Variants in TICRR observed in about 807,000 individuals in gnomAD.
TICRR encodes TOPBP1 interacting checkpoint and replication regulator.
In TICRR, 132 loss-of-function variants were observed where a neutral mutation model predicts 178.1. That is an observed-to-expected ratio of 0.74 (90% CI 0.64 to 0.86). The LOEUF is 0.86. TICRR is among the 40% of genes least tolerant of loss of function. The pLI is 0.00. For missense variants in TICRR, 2,587 were observed against 2,334.3 expected (o/e 1.11, Z -2.23); for synonymous variants, 991 against 900.7 (o/e 1.10, Z -1.79).
chr15:89,605,734 C>CA (rs1963165857), intron 13 of TICRR, among the ~76,000 whole-genome samples: 1 of 152,200 alleles, frequency 6.6e-6, no homozygotes, highest in Non-Finnish European at 1.5e-5. Flanking sequence ...AGAATGATCA[C>CA]ATCTCATGTC....
At chr15:89,622,103 A>G (rs568391127) in intron 19 of TICRR, among the ~76,000 whole-genome samples, 15 of 146,670 alleles carry the variant, frequency 1.0e-4, no homozygotes, top group Non-Finnish European at 1.9e-4. Flanking sequence ...CTCCTGCCTC[A>G]GCCTCCTAAG....
chr15:89,612,202 T>G (rs530988748), intron 15 of TICRR, among the ~76,000 whole-genome samples: 1 of 152,304 alleles, frequency 6.6e-6, no homozygotes, highest in East Asian at 1.9e-4. Context: ...AAAGTATGTA[T>G]ACCTTGTTGT....
In TICRR at chr15:89,582,716, T is replaced by C; in HGVS notation, c.685T>C (p.Trp229Arg). 1 of 1,614,222 alleles carries C rather than the reference T, an allele frequency of 6.2e-7. No individual in the cohort carries two copies. The highest frequency in any genetic ancestry group is 8.5e-7 in the Non-Finnish European group (1 of 1,180,032). The change falls in exon 2 of 22, where the codon TGG becomes CGG. Residue 229 changes from tryptophan to arginine, a missense_variant. Coordinates refer to ENST00000268138, the MANE Select transcript of TICRR (RefSeq NM_152259.4). ...LWESPDHLGY[W>R]TVCELLHHGG... ...GGAATCCCCAGACCACCTTGGATAC[T>C]GGACTGTTTGTGAACTGCTCCACCA...
Position 89,625,349 on chromosome 15 carries a change from A to C in TICRR, c.5039A>C (p.Asp1680Ala). The change falls in exon 20 of 22, where the codon GAC becomes GCC. Residue 1680 changes from aspartate (D) to alanine (A), a missense_variant. By Grantham distance (126) the Asp-to-Ala change is moderately radical. Coordinates refer to ENST00000268138, the MANE Select transcript of TICRR (RefSeq NM_152259.4). ...SPKHSGKTTP[D>A]IIKDWPRRKR... ...AAGCACAGTGGGAAGACAACTCCAG[A>C]CATAATTAAAGACTGGCCCAGGAGG... is the stretch of plus-strand genomic sequence containing the variant. The C allele has an allele frequency of 6.2e-7, 1 of 1,613,952 alleles. No individual in the cohort carries two copies. The highest frequency in any genetic ancestry group is 8.5e-7 in the Non-Finnish European group (1 of 1,179,968).
In TICRR at chr15:89,585,811, C is replaced by A. The variant is rs373277423; in HGVS notation, c.1280C>A (p.Ala427Asp). 1.2e-6 allele frequency: 2 copies of A among 1,614,152 alleles called. No homozygotes were observed. The highest frequency in any genetic ancestry group is 2.2e-5 in the East Asian group (1 of 44,878). ...MILTVCRTKE[A>D]EFQRHVLQTA... is the part of the protein sequence containing the mutation. ...CTCACTGTGTGCCGCACCAAGGAGG[C>A]TGAATTTCAACGACATGTTCTCCAA... The change falls in exon 4 of 22, where the codon GCT (alanine) becomes GAT (aspartate). Residue 427 changes from alanine (A) to aspartate (D), a missense_variant. Physicochemically the swap from Ala to Asp is moderately radical, Grantham distance 126. Transcript: ENST00000268138.
intron 19 of TICRR, among the ~76,000 whole-genome samples, chr15:89,622,290 A>G (rs1963439823): frequency 6.6e-6 from 1 of 151,982 alleles, no homozygotes; most frequent in Admixed American, 6.6e-5. Context: ...CCGGCCTACA[A>G]ACTGACTCTT....
intron 14 of TICRR, among the ~76,000 whole-genome samples, chr15:89,608,238 C>T (rs943874721): frequency 6.6e-6 from 1 of 151,948 alleles, no homozygotes; most frequent in Non-Finnish European, 1.5e-5. Context: ...CACTGTATAC[C>T]AACAAATTGT....
chr15:89,615,890 CT>C (rs756553701), intron 15 of TICRR, among the ~76,000 whole-genome samples: 154 of 144,960 alleles, frequency 1.1e-3, no homozygotes, highest in Non-Finnish European at 1.1e-3. Context: ...TTTATATTGT[CT>C]TTTTTTTTTT....
At chr15:89,580,693 A>G (rs187755449) in intron 1 of TICRR, among the ~76,000 whole-genome samples, 1 of 152,326 alleles carries the variant, frequency 6.6e-6, no homozygotes, top group African/African-American at 2.4e-5. Context: ...CACTCAATCC[A>G]TCAGAGAATC....
intron 17 of TICRR, among the ~76,000 whole-genome samples, chr15:89,619,261 T>A (rs549208309): frequency 6.8e-6 from 1 of 146,040 alleles, no homozygotes; most frequent in South Asian, 2.3e-4. Context: ...ACTCTTGCTC[T>A]GTCGCCCAGG....
chr15:89,610,004 G>A (rs1963233856), intron 15 of TICRR, among the ~76,000 whole-genome samples: 1 of 151,978 alleles, frequency 6.6e-6, no homozygotes, highest in African/African-American at 2.4e-5. Flanking sequence ...TGATCCATTG[G>A]TTATTTCGGA....
intron 14 of TICRR, 102 bp from the exon 15 acceptor site, chr15:89,608,701 C>T: frequency 2.0e-6 from 2 of 1,018,058 alleles, no homozygotes; most frequent in Non-Finnish European, 2.8e-6. Flanking sequence ...TCTGTAGTTT[C>T]CTCAAGGAGC....
At chr15:89,615,760 A>G (rs1156783649) in intron 15 of TICRR, among the ~76,000 whole-genome samples, 2 of 152,224 alleles carry the variant, frequency 1.3e-5, no homozygotes, top group Non-Finnish European at 2.9e-5. Flanking sequence ...TTTATGTGGC[A>G]TATCGGCATT....
At chr15:89,610,767 T>C (rs958670072) in intron 15 of TICRR, among the ~76,000 whole-genome samples, 5 of 152,204 alleles carry the variant, frequency 3.3e-5, no homozygotes, top group Admixed American at 6.5e-5. Context: ...TCCTGTTTTT[T>C]TGTATTTAGC....
Position 89,624,271 on chromosome 15 carries a change from A to C in TICRR, c.3961A>C (p.Lys1321Gln). ...TACCTCTCCTTTATGTGATGTCTCC[A>C]AGAAGAGTCCATTTAGGAAATCTAA... ...LFTSPLCDVS[K>Q]KSPFRKSKIE... The change falls in exon 20 of 22, where the codon AAG becomes CAG. Residue 1321 changes from lysine to glutamine, a missense_variant. By Grantham distance (53) the Lys-to-Gln change is moderately conservative. Transcript: ENST00000268138. The C allele has an allele frequency of 6.2e-7, 1 of 1,614,208 alleles. No individual in the cohort carries two copies. Among genetic ancestry groups the C allele is most frequent in the South Asian group, 1.1e-5 (1 of 91,080 alleles).
chr15:89,594,813 G>C (rs562844180), intron 6 of TICRR, among the ~76,000 whole-genome samples: 100 of 152,048 alleles, frequency 6.6e-4, no homozygotes, highest in African/African-American at 2.4e-3. Flanking sequence ...CTGCTTATTA[G>C]TATTTTTTCT....
intron 7 of TICRR, among the ~76,000 whole-genome samples, chr15:89,597,541 A>AT (rs959326321): frequency 1.3e-5 from 2 of 151,374 alleles, no homozygotes; most frequent in Non-Finnish European, 2.9e-5. Context: ...AAAAAAAAAA[A>AT]TCCGTTTACT....
At chr15:89,626,609 C>A (rs1401945033) in intron 21 of TICRR, among the ~76,000 whole-genome samples, 2 of 152,038 alleles carry the variant, frequency 1.3e-5, no homozygotes, top group African/African-American at 2.4e-5. Flanking sequence ...AGGAGGGGGC[C>A]TTTGGTGGTT....
chr15:89,589,961 A>T (rs1244225251), intron 4 of TICRR, among the ~76,000 whole-genome samples: 2 of 152,170 alleles, frequency 1.3e-5, no homozygotes, highest in Non-Finnish European at 2.9e-5. Flanking sequence ...AACAAAAAAA[A>T]GTGCAATCCT....
Sources: gnomAD v4.1 joint callset for allele counts (sites outside exome capture counted in the v4.1 genomes callset) on GRCh38, gnomAD v4.1.1 for gene constraint, MANE v1.5 for transcripts, NCBI Gene and HGNC (gene_info 2026-07-23, HGNC 2026-07-21) for gene names.